The following RPS6KC1 variants were observed in gnomAD, a reference collection of about 807,000 sequenced individuals.
The protein encoded by RPS6KC1 is inactive ribosomal protein S6 kinase delta-1.
In RPS6KC1, 54 loss-of-function variants were observed where a neutral mutation model predicts 103.8. That is an observed-to-expected ratio of 0.52 (90% CI 0.42 to 0.65). The LOEUF (loss-of-function observed/expected upper bound fraction) is 0.65. Among genes scored for constraint, RPS6KC1 ranks in the 30% least tolerant of loss-of-function variants. RPS6KC1 has a pLI of 0.00. For synonymous variants in RPS6KC1, 439 were observed against 438.7 expected, an observed-to-expected ratio of 1.00 and a Z score of -0.01; for missense variants, 1,151 against 1,253.8, an observed-to-expected ratio of 0.92 and a Z score of 1.24.
chr1:213,247,854 A>G (rs2094478430), intron 12 of RPS6KC1, among the ~76,000 whole-genome samples: 1 of 152,176 alleles, frequency 6.6e-6, no homozygotes, highest in South Asian at 2.1e-4. Flanking sequence ...ATGTTAGTAG[A>G]GTTAAAAAAT....
chr1:213,767,681 A>G, the RPS6KC1 span, among the ~76,000 whole-genome samples: 1 of 152,180 alleles, frequency 6.6e-6, no homozygotes, highest in South Asian at 2.1e-4. Flanking sequence ...ACAAATAAAC[A>G]AAGTAATGAC....
chr1:213,500,554 T>C, the RPS6KC1 span, among the ~76,000 whole-genome samples: 2 of 152,234 alleles, frequency 1.3e-5, no homozygotes, highest in Admixed American at 6.5e-5. Flanking sequence ...CCACACATAA[T>C]TGTATATGCT....
the RPS6KC1 span, among the ~76,000 whole-genome samples, chr1:213,311,209 G>A: frequency 6.7e-6 from 1 of 150,128 alleles, no homozygotes; most frequent in Non-Finnish European, 1.5e-5. Flanking sequence ...CGCCATCTCC[G>A]CTCACTGCAA....
At chr1:213,513,589 C>G in the RPS6KC1 span, among the ~76,000 whole-genome samples, 1 of 152,314 alleles carries the variant, frequency 6.6e-6, no homozygotes, top group East Asian at 1.9e-4. Flanking sequence ...TAACCCCATT[C>G]TCAGGGATTG....
At chr1:213,279,120 C>G (rs552830695), downstream of RPS6KC1, among the ~76,000 whole-genome samples, 3 of 152,078 alleles carry the variant, frequency 2.0e-5, no homozygotes, top group Admixed American at 2.0e-4. Flanking sequence ...TCTTGGAGAG[C>G]TGGCATTATT....
the RPS6KC1 span, among the ~76,000 whole-genome samples, chr1:213,595,960 T>C: frequency 0.77 from 116,539 of 151,982 alleles, 44,884 homozygotes; most frequent in East Asian, 0.97. Flanking sequence ...ATTTTTTTTT[T>C]GCTGTTGTGT....
At chr1:213,800,540 A>G in the RPS6KC1 span, among the ~76,000 whole-genome samples, 3 of 152,108 alleles carry the variant, frequency 2.0e-5, no homozygotes, top group Non-Finnish European at 4.4e-5. Context: ...AGTTAGGAAG[A>G]TATGAGCATA....
the RPS6KC1 span, among the ~76,000 whole-genome samples, chr1:213,523,921 C>T: frequency 6.6e-6 from 1 of 152,150 alleles, no homozygotes; most frequent in Non-Finnish European, 1.5e-5. Context: ...CTGAGCGAGG[C>T]AGACACATGT....
At chr1:213,746,479 C>T in the RPS6KC1 span, among the ~76,000 whole-genome samples, 1 of 152,100 alleles carries the variant, frequency 6.6e-6, no homozygotes, top group Non-Finnish European at 1.5e-5. Flanking sequence ...ATGGATAAAG[C>T]CAGAGGGGTT....
the RPS6KC1 span, among the ~76,000 whole-genome samples, chr1:213,659,205 T>A: frequency 1.1e-4 from 17 of 152,126 alleles, no homozygotes; most frequent in African/African-American, 3.9e-4. Context: ...CCTCAAGGGA[T>A]CCACCCGACT....
At chr1:213,530,010 A>G in the RPS6KC1 span, among the ~76,000 whole-genome samples, 4 of 147,422 alleles carry the variant, frequency 2.7e-5, no homozygotes, top group Non-Finnish European at 6.0e-5. Flanking sequence ...AACAGCCCCT[A>G]CGAGAATTTT....
At chr1:213,408,895 A>G in the RPS6KC1 span, among the ~76,000 whole-genome samples, 1 of 152,216 alleles carries the variant, frequency 6.6e-6, no homozygotes, top group Non-Finnish European at 1.5e-5. Context: ...TTTCCCTCTC[A>G]GGTCCTTACA....
At chr1:213,446,689 C>G in the RPS6KC1 span, among the ~76,000 whole-genome samples, 1 of 152,218 alleles carries the variant, frequency 6.6e-6, no homozygotes, top group African/African-American at 2.4e-5. Flanking sequence ...CCGTCACACT[C>G]TGTCATAGGA....
At chr1:213,319,938 T>C in the RPS6KC1 span, among the ~76,000 whole-genome samples, 1 of 152,206 alleles carries the variant, frequency 6.6e-6, no homozygotes, top group Non-Finnish European at 1.5e-5. Flanking sequence ...GGTCCTTCTT[T>C]GAAGAGATTA....
At chr1:213,538,092 C>T in the RPS6KC1 span, among the ~76,000 whole-genome samples, 1 of 152,060 alleles carries the variant, frequency 6.6e-6, no homozygotes, top group Non-Finnish European at 1.5e-5. Flanking sequence ...GGACATCTGA[C>T]CATTAAGAGG....
chr1:213,279,738 T>A (rs1359744276), downstream of RPS6KC1, among the ~76,000 whole-genome samples: 6 of 152,216 alleles, frequency 3.9e-5, 1 homozygote, highest in Non-Finnish European at 1.5e-5. Flanking sequence ...ATATGGATGA[T>A]TTTTCCTCTT....
the RPS6KC1 span, among the ~76,000 whole-genome samples, chr1:213,748,410 T>C: frequency 6.6e-6 from 1 of 152,186 alleles, no homozygotes; most frequent in Non-Finnish European, 1.5e-5. Flanking sequence ...ATCAAAAATA[T>C]ACCTTGAATG....
chr1:213,846,622 C>G, the RPS6KC1 span, among the ~76,000 whole-genome samples: 1 of 152,048 alleles, frequency 6.6e-6, no homozygotes, highest in Non-Finnish European at 1.5e-5. Flanking sequence ...TTTTGCTGTC[C>G]TGGCAATTAA....
chr1:213,587,163 G>A, the RPS6KC1 span, among the ~76,000 whole-genome samples: 12 of 152,178 alleles, frequency 7.9e-5, no homozygotes, highest in Non-Finnish European at 1.2e-4. Context: ...GACAGAGCCC[G>A]AAGCAGGCAT....
Sources: gnomAD v4.1 joint callset for allele counts (sites outside exome capture counted in the v4.1 genomes callset) on GRCh38, gnomAD v4.1.1 for gene constraint, MANE v1.5 for transcripts, NCBI Gene and HGNC (gene_info 2026-07-23, HGNC 2026-07-21) for gene names.